The following DAB1 variants were observed in gnomAD, a reference collection of about 807,000 sequenced individuals.
DAB1 encodes the protein DAB adaptor protein 1, also known as disabled homolog 1.
Under a neutral mutation model 64.6 loss-of-function variants are expected in DAB1, and 15 were observed. That is an observed-to-expected ratio of 0.23 (90% CI 0.16 to 0.36). The LOEUF (loss-of-function observed/expected upper bound fraction) is 0.36, where lower values mean the gene tolerates loss of function less well. Ranked by LOEUF, DAB1 falls within the 10% of genes least tolerant of loss-of-function variation. The probability of loss-of-function intolerance (pLI) is 1.00; values close to 1 mark genes in which losing one functional copy is unlikely to be tolerated. For missense variants in DAB1, 596 were observed against 706.7 expected (o/e 0.84, Z 1.78); for synonymous variants, 235 against 251.9 (o/e 0.93, Z 0.64).
intron 1 of DAB1, among the ~76,000 whole-genome samples, chr1:57,878,017 G>T (rs1234751268): frequency 6.6e-6 from 1 of 151,980 alleles, no homozygotes; most frequent in Non-Finnish European, 1.5e-5. Context: ...TAGTCTTTTC[G>T]GGTGTCTATA....
At chr1:57,986,248 C>T (rs1646215357) in intron 5 of DAB1, among the ~76,000 whole-genome samples, 1 of 152,128 alleles carries the variant, frequency 6.6e-6, no homozygotes, top group East Asian at 1.9e-4. Context: ...ATCCTAACCC[C>T]TGAGGTGATG....
chr1:58,255,982 A>G (rs2100411612), intron 4 of DAB1, among the ~76,000 whole-genome samples: 1 of 152,336 alleles, frequency 6.6e-6, no homozygotes, highest in African/African-American at 2.4e-5. Context: ...TTTGATTCTG[A>G]CACTTCTTGG....
chr1:57,871,780 T>A (rs1180265329), intron 1 of DAB1, among the ~76,000 whole-genome samples: 1 of 152,192 alleles, frequency 6.6e-6, no homozygotes, highest in Non-Finnish European at 1.5e-5. Context: ...TCCTTTTCCA[T>A]ATTTAGGAAC....
At chr1:57,964,411 T>A (rs1645601348) in intron 5 of DAB1, among the ~76,000 whole-genome samples, 1 of 152,208 alleles carries the variant, frequency 6.6e-6, no homozygotes, top group Admixed American at 6.5e-5. Flanking sequence ...CCTTATGAGG[T>A]CAGTAACTAT....
chr1:57,528,318 T>A (rs973099755), intron 7 of DAB1, among the ~76,000 whole-genome samples: 1 of 151,992 alleles, frequency 6.6e-6, no homozygotes, highest in African/African-American at 2.4e-5. Context: ...CCAATAGATA[T>A]CTAAAACTCA....
chr1:58,531,161 A>T (rs977454636), intron 1 of DAB1, among the ~76,000 whole-genome samples: 4 of 152,196 alleles, frequency 2.6e-5, no homozygotes, highest in South Asian at 2.1e-4. Flanking sequence ...GCATCATTTT[A>T]AAAAATCAAG....
chr1:57,128,159 AT>A (rs781539260), intron 4 of DAB1, among the ~76,000 whole-genome samples: 32,920 of 147,616 alleles, frequency 0.22, 4,665 homozygotes, highest in African/African-American at 0.39. Context: ...ATAAAAATAA[AT>A]AAATAAATAA....
At chr1:58,090,910 C>T (rs1650616390) in intron 5 of DAB1, among the ~76,000 whole-genome samples, 1 of 152,192 alleles carries the variant, frequency 6.6e-6, no homozygotes, top group Admixed American at 6.5e-5. Flanking sequence ...TACGAGTTCT[C>T]TAGGAAAGAG....
intron 3 of DAB1, among the ~76,000 whole-genome samples, chr1:58,456,318 C>G (rs1569823328): frequency 6.6e-6 from 1 of 152,214 alleles, no homozygotes; most frequent in East Asian, 1.9e-4. Flanking sequence ...CCTGGATTGT[C>G]TGGCTACAGA....
chr1:58,019,350 T>A (rs553984916), intron 5 of DAB1, among the ~76,000 whole-genome samples: 262 of 152,344 alleles, frequency 1.7e-3, no homozygotes, highest in Non-Finnish European at 3.1e-3. Context: ...ATAAAGGGAA[T>A]AAAATTGTTC....
intron 6 of DAB1, among the ~76,000 whole-genome samples, chr1:57,785,771 C>T (rs1375075635): frequency 1.3e-5 from 2 of 152,112 alleles, no homozygotes; most frequent in African/African-American, 2.4e-5. Context: ...GGTGAAGATG[C>T]TGTGAACATT....
intron 6 of DAB1, among the ~76,000 whole-genome samples, chr1:57,786,242 A>AAT (rs1382615920): frequency 6.6e-6 from 1 of 152,170 alleles, no homozygotes; most frequent in Non-Finnish European, 1.5e-5. Context: ...GGAGCCAAAA[A>AAT]ATTCATGACT....
intron 4 of DAB1, among the ~76,000 whole-genome samples, chr1:58,332,913 T>C: frequency 6.6e-6 from 1 of 152,150 alleles, no homozygotes; most frequent in Middle Eastern, 3.4e-3. Flanking sequence ...TTTATTTATT[T>C]ATTTATTTAT....
chr1:58,223,914 A>G (rs182463192), intron 4 of DAB1, among the ~76,000 whole-genome samples: 8 of 152,212 alleles, frequency 5.3e-5, no homozygotes, highest in Non-Finnish European at 1.2e-4. Context: ...AAATACATAT[A>G]TTTTTTCCCC....
At chr1:57,424,918 G>A (rs1448890280), upstream of DAB1, among the ~76,000 whole-genome samples, 1 of 152,208 alleles carries the variant, frequency 6.6e-6, no homozygotes, top group Non-Finnish European at 1.5e-5. Context: ...GAATGACTGG[G>A]AGTAAACAAT....
chr1:57,567,994 C>T (rs1432464917), intron 7 of DAB1, among the ~76,000 whole-genome samples: 1 of 152,188 alleles, frequency 6.6e-6, no homozygotes, highest in Non-Finnish European at 1.5e-5. Context: ...AAGAACAAAG[C>T]TGGAGGCATC....
At chr1:57,327,979 G>T (rs1355905265) in intron 1 of DAB1, among the ~76,000 whole-genome samples, 11 of 152,156 alleles carry the variant, frequency 7.2e-5, no homozygotes. Flanking sequence ...AAGAACCCCA[G>T]AAAGTCATTT....
Position 57,998,794 on chromosome 1 carries a change from G to T in DAB1, n.388-114632C>A, listed in dbSNP as rs114722162. ...TGCAAAGTCCTTTCAGCTAGGGAGA[G>T]AATATTAGGATTTTTAGGCAACAGT... On this transcript the variant is annotated intron_variant and non_coding_transcript_variant, in intron 5 of 20. Coordinates refer to the DAB1 transcript ENST00000485760. Among the ~76,000 whole-genome samples the T allele has an allele frequency of 4.0e-3, 606 of 152,332 alleles. 1 individual carries two copies. Among genetic ancestry groups the T allele is most frequent in the Non-Finnish European group, 6.1e-3 (415 of 68,036 alleles).
chr1:57,469,927 A>T lies in DAB1; in HGVS notation n.626-178761T>A, dbSNP rs148717605. 6.3e-3 allele frequency among the ~76,000 whole-genome samples: 959 copies of T among 152,340 alleles called. 10 individuals carry two copies. The highest frequency in any genetic ancestry group is 0.022 in the African/African-American group (920 of 41,576). On this transcript the variant is annotated intron_variant and non_coding_transcript_variant, in intron 7 of 20. Transcript: ENST00000485760. Reference sequence around the variant, plus strand: ...AGAAATGTGTTTAATTTTATTTAACATCATTTTCTATACTCATTTGACCAT... The same window carrying T: ...AGAAATGTGTTTAATTTTATTTAACTTCATTTTCTATACTCATTTGACCAT...
Sources: gnomAD v4.1 joint callset for allele counts (sites outside exome capture counted in the v4.1 genomes callset) on GRCh38, gnomAD v4.1.1 for gene constraint, MANE v1.5 for transcripts, NCBI Gene and HGNC (gene_info 2026-07-23, HGNC 2026-07-21) for gene names.